HPSE2: variants seen among roughly 807,000 people sequenced by gnomAD.
HPSE2 encodes the protein heparanase 2 (inactive), also known as inactive heparanase-2.
In HPSE2, 38 loss-of-function variants were observed where a neutral mutation model predicts 60.5. That is an observed-to-expected ratio of 0.63 (90% CI 0.48 to 0.82). HPSE2 has a LOEUF of 0.82. Ranked by LOEUF, HPSE2 falls within the 40% of genes least tolerant of loss-of-function variation. HPSE2 has a pLI of 0.00. For synonymous variants in HPSE2, 295 were observed against 293.2 expected, an observed-to-expected ratio of 1.01 and a Z score of -0.06; for missense variants, 713 against 740.4, an observed-to-expected ratio of 0.96 and a Z score of 0.43.
At chr10:98,856,330 T>A (rs1307417760) in intron 3 of HPSE2, among the ~76,000 whole-genome samples, 2 of 152,038 alleles carry the variant, frequency 1.3e-5, no homozygotes, top group East Asian at 3.9e-4. Context: ...ATGTTAAGAG[T>A]TCCAGAGGCA....
At chr10:98,835,676 C>A (rs1951774984) in intron 3 of HPSE2, among the ~76,000 whole-genome samples, 2 of 152,130 alleles carry the variant, frequency 1.3e-5, no homozygotes, top group Admixed American at 1.3e-4. Flanking sequence ...GAGTCCAAAG[C>A]CTGTATGCTT....
chr10:99,241,599 G>A, the HPSE2 span, among the ~76,000 whole-genome samples: 29 of 152,020 alleles, frequency 1.9e-4, no homozygotes, highest in African/African-American at 6.8e-4. Context: ...TCTACAAAAT[G>A]TTTAAAACAT....
chr10:98,736,038 G>A (rs1220715686), intron 4 of HPSE2, among the ~76,000 whole-genome samples: 4 of 152,196 alleles, frequency 2.6e-5, no homozygotes, highest in African/African-American at 9.6e-5. Context: ...TGGTTTGGCT[G>A]TGTCCCCACT....
At chr10:98,978,578 A>G (rs1206595477) in intron 3 of HPSE2, among the ~76,000 whole-genome samples, 1 of 152,184 alleles carries the variant, frequency 6.6e-6, no homozygotes. Flanking sequence ...TACTTACTTC[A>G]GCTTCTATAT....
the HPSE2 span, among the ~76,000 whole-genome samples, chr10:99,300,278 A>G: frequency 2.0e-5 from 3 of 152,184 alleles, no homozygotes; most frequent in Non-Finnish European, 4.4e-5. Flanking sequence ...ATAATGGCCA[A>G]GAAGGTAGAG....
At chr10:98,721,440 C>T (rs1948919824) in intron 5 of HPSE2, among the ~76,000 whole-genome samples, 1 of 152,010 alleles carries the variant, frequency 6.6e-6, no homozygotes, top group South Asian at 2.1e-4. Context: ...TATACCTTCC[C>T]CATCCCACCA....
intron 3 of HPSE2, among the ~76,000 whole-genome samples, chr10:98,977,637 C>G (rs1956115073): frequency 6.6e-6 from 1 of 152,090 alleles, no homozygotes; most frequent in African/African-American, 2.4e-5. Flanking sequence ...CATTATAAAA[C>G]AAATAATAAA....
At chr10:98,520,727 G>A (rs1942762423) in intron 9 of HPSE2, among the ~76,000 whole-genome samples, 1 of 152,156 alleles carries the variant, frequency 6.6e-6, no homozygotes, top group Admixed American at 6.5e-5. Flanking sequence ...TAAAGCCAAG[G>A]CATAAGTGTA....
chr10:98,815,408 C>T (rs558285450), intron 3 of HPSE2, among the ~76,000 whole-genome samples: 1 of 152,284 alleles, frequency 6.6e-6, no homozygotes, highest in South Asian at 2.1e-4. Flanking sequence ...AAAGCAGTTG[C>T]TGATTCACAT....
the HPSE2 span, among the ~76,000 whole-genome samples, chr10:99,275,527 G>A: frequency 6.8e-6 from 1 of 147,172 alleles, no homozygotes; most frequent in East Asian, 1.9e-4. Context: ...ACATGTTATG[G>A]TCACCCTTCT....
At chr10:99,195,605 T>TA (rs756121878) in intron 2 of HPSE2, among the ~76,000 whole-genome samples, 19 of 152,098 alleles carry the variant, frequency 1.2e-4, no homozygotes, top group Admixed American at 1.2e-3. Flanking sequence ...TAATCCCACT[T>TA]ACAGTAGCAA....
chr10:99,148,784 CCACTCAAT>C (rs1050903177), intron 2 of HPSE2, among the ~76,000 whole-genome samples: 10 of 131,334 alleles, frequency 7.6e-5, no homozygotes, highest in East Asian at 7.3e-4. Context: ...GAGCGAAACT[CCACTCAAT>C]CAATCAATCA....
At chr10:98,487,228 C>T (rs1941474414) in intron 10 of HPSE2, among the ~76,000 whole-genome samples, 1 of 152,166 alleles carries the variant, frequency 6.6e-6, no homozygotes. Flanking sequence ...CTGTCAGTGT[C>T]CTAATTTGTT....
intron 7 of HPSE2, 119 bp downstream of exon 7, chr10:98,641,728 T>C (rs1317117637): frequency 1.3e-6 from 1 of 799,410 alleles, no homozygotes; most frequent in African/African-American, 1.7e-5. Flanking sequence ...TAGACTGCAC[T>C]ATTTTCCTAT....
intron 2 of HPSE2, among the ~76,000 whole-genome samples, chr10:99,181,485 C>T (rs1032673923): frequency 4.6e-5 from 7 of 150,598 alleles, no homozygotes; most frequent in South Asian, 2.1e-4. Flanking sequence ...CCAACCAAAA[C>T]GCCCATCAAT....
intron 3 of HPSE2, among the ~76,000 whole-genome samples, chr10:98,934,731 T>C (rs1181666353): frequency 7.0e-6 from 1 of 143,778 alleles, no homozygotes; most frequent in East Asian, 2.0e-4. Context: ...ATTTTGACCT[T>C]GGAGAATCTG....
intron 9 of HPSE2, among the ~76,000 whole-genome samples, chr10:98,565,648 C>G (rs963008882): frequency 6.6e-6 from 1 of 152,048 alleles, no homozygotes; most frequent in Non-Finnish European, 1.5e-5. Flanking sequence ...TGTGTGCATG[C>G]GTCTTTATAG....
At chr10:98,594,504 A>C (rs1945177756) in intron 9 of HPSE2, among the ~76,000 whole-genome samples, 3 of 152,042 alleles carry the variant, frequency 2.0e-5, no homozygotes, top group African/African-American at 7.3e-5. Flanking sequence ...CATCTGCAAA[A>C]AGGAACAATT....
chr10:98,936,232 G>C (rs377703623), intron 3 of HPSE2, among the ~76,000 whole-genome samples: 3 of 144,370 alleles, frequency 2.1e-5, no homozygotes, highest in African/African-American at 8.4e-5. Context: ...TTCTTAGCTT[G>C]CTAGGCTCCA....
Sources: allele counts gnomAD v4.1 joint callset (sites outside exome capture counted in the v4.1 genomes callset), GRCh38; gene constraint gnomAD v4.1.1; transcripts MANE v1.5; gene names NCBI Gene and HGNC (gene_info 2026-07-23, HGNC 2026-07-21).